The following PADI6 variants were observed in gnomAD, a reference collection of about 807,000 sequenced individuals.
The protein encoded by PADI6 is inactive protein-arginine deiminase type-6.
Under a neutral mutation model 78.2 loss-of-function variants are expected in PADI6, and 66 were observed. The observed-to-expected ratio is 0.84, with a 90% CI of 0.69 to 1.04. The LOEUF is 1.04. Ranked by LOEUF, PADI6 falls within the 50% of genes least tolerant of loss-of-function variation. PADI6 has a pLI of 0.00. For missense variants in PADI6, 854 were observed against 866.1 expected, an observed-to-expected ratio of 0.99 and a Z score of 0.18; for synonymous variants, 397 against 346.9, an observed-to-expected ratio of 1.14 and a Z score of -1.60.
At chr1:17,387,596 CA>C (rs1335007178) in intron 6 of PADI6, among the ~76,000 whole-genome samples, 1 of 151,950 alleles carries the variant, frequency 6.6e-6, no homozygotes, top group Non-Finnish European at 1.5e-5. Context: ...ACTAAAAATA[CA>C]AAAAATTAGC....
intron 4 of PADI6, 76 bp from the exon 5 acceptor site, chr1:17,380,971 C>CA: frequency 7.9e-7 from 1 of 1,269,906 alleles, no homozygotes; most frequent in Admixed American, 2.1e-5. Context: ...CTGGGCCCCT[C>CA]TGCTATGAGG....
At position 17,390,232 on chromosome 1, in the gene PADI6, C is replaced by T. The variant is rs1198605656; in HGVS notation, c.962+1352C>T. Among the ~76,000 whole-genome samples, 3 of 151,994 alleles carry T rather than the reference C, an allele frequency of 2.0e-5. 1 individual carries two copies. The highest frequency in any genetic ancestry group is 2.1e-4 in the South Asian group (1 of 4,822). On this transcript the variant is annotated intron_variant, in intron 8 of 15. Coordinates refer to ENST00000619609, the MANE Select transcript of PADI6 (RefSeq NM_207421.4). ...AGGAGAATCACTTGAACCCAGGAGA[C>T]AGAGGTTGCAGTGAGCTGAAATAGC...
chr1:17,398,520 C>T (rs146919924), intron 14 of PADI6, among the ~76,000 whole-genome samples, 166 bp from the exon 15 acceptor site: 4 of 152,226 alleles, frequency 2.6e-5, no homozygotes, highest in East Asian at 1.9e-4. Flanking sequence ...CTGCCTATTT[C>T]GTAAGGCTGG....
chr1:17,374,373 C>A (rs1290296155), intron 2 of PADI6, among the ~76,000 whole-genome samples: 1 of 152,080 alleles, frequency 6.6e-6, no homozygotes, highest in African/African-American at 2.4e-5. Flanking sequence ...TGCCTGTAAT[C>A]CCAGCACTTT....
intron 14 of PADI6, 99 bp from the exon 15 acceptor site, chr1:17,398,587 G>A (rs2075268956): frequency 4.1e-6 from 3 of 725,124 alleles, no homozygotes; most frequent in Non-Finnish European, 6.9e-6. Context: ...GTGGTGTCAG[G>A]CCATCACCTA....
intron 3 of PADI6, among the ~76,000 whole-genome samples, chr1:17,379,374 A>G (rs1467140200): frequency 6.9e-6 from 1 of 143,920 alleles, no homozygotes; most frequent in African/African-American, 3.0e-5. Flanking sequence ...TCGGCCTCCC[A>G]AAGTGCTGGG....
chr1:17,382,158 C>A lies in PADI6; in HGVS notation c.679+66C>A, dbSNP rs1436622539. ...ACGTGCCAGGCAAGTTGTGCCCACA[C>A]CTCCTCCCAGCAAGGTCCCCAGCAG... On this transcript the variant is annotated intron_variant, in intron 6 of 15. Coordinates refer to ENST00000619609, the MANE Select transcript of PADI6 (RefSeq NM_207421.4). 1.7e-5 allele frequency: 27 copies of A among 1,576,888 alleles called. No individual in the cohort carries two copies. In the Admixed American group the frequency reaches 3.6e-4, roughly 21 times the overall value.
rs35197313 is a variant in PADI6, at chr1:17,395,199, GTTTT to G, written c.1494+104_1494+107del. The G allele has an allele frequency of 5.1e-3, 6,325 of 1,250,214 alleles. 3 individuals carry two copies. Among genetic ancestry groups the G allele is most frequent in the South Asian group, 6.2e-3 (389 of 63,088 alleles). 77.4% of individuals were successfully genotyped at this position (1,250,214 alleles called of 1,614,324 possible). A position where few individuals can be genotyped will look rare whatever the true frequency, so the allele number is the denominator to read the frequency against. On this transcript the variant is annotated intron_variant, in intron 12 of 15. Transcript: ENST00000619609. ...CTGGAGAGAAAACTGGCTTTTTCTTGTTTTTTTTTTTTTTTGTTTGTTTTTTGAG... is the reference window on the plus strand; with the variant it reads ...CTGGAGAGAAAACTGGCTTTTTCTTGTTTTTTTTTTTGTTTGTTTTTTGAG...
intron 8 of PADI6, among the ~76,000 whole-genome samples, chr1:17,389,489 G>C (rs561191939): frequency 6.6e-6 from 1 of 152,120 alleles, no homozygotes; most frequent in African/African-American, 2.4e-5. Flanking sequence ...GTCCAGGCCC[G>C]GGCCCCAGGA....
rs187854898 is a variant in PADI6, at chr1:17,378,160, G to C, written c.368-1760G>C. On this transcript the variant is annotated intron_variant, in intron 3 of 15. Coordinates refer to ENST00000619609, the MANE Select transcript of PADI6 (RefSeq NM_207421.4). ...TTCAAATGTAAACTTGGGCTCCCTTGATCATCTAAAACTGAAATACCCTCG... is the reference window on the plus strand; with the variant it reads ...TTCAAATGTAAACTTGGGCTCCCTTCATCATCTAAAACTGAAATACCCTCG... Among the ~76,000 whole-genome samples the C allele has an allele frequency of 5.3e-5, 8 of 152,184 alleles. No individual in the cohort carries two copies. The East Asian group carries it at 7.7e-4, about 15-fold the overall frequency.
intron 2 of PADI6, 150 bp downstream of exon 2, chr1:17,373,383 T>C: frequency 1.1e-6 from 1 of 933,238 alleles, no homozygotes; most frequent in Non-Finnish European, 1.6e-6. Flanking sequence ...AACAGACCAG[T>C]GGTGTGGGCA....
In PADI6 at chr1:17,394,498, A is replaced by G. The variant is rs369233143; in HGVS notation, c.1337+44A>G. On this transcript the variant is annotated intron_variant, in intron 11 of 15. Transcript: ENST00000619609. ...CGCCTCCAAATGAAAGGAAGGGACC[A>G]TGGTCGTTCCCCTGGCCCCGCCTGC... 1.2e-5 allele frequency: 19 copies of G among 1,588,902 alleles called. No homozygotes were observed. The East Asian group carries it at 2.0e-4, about 17-fold the overall frequency.
intron 13 of PADI6, 87 bp from the exon 14 acceptor site, chr1:17,396,984 G>T: frequency 2.4e-6 from 3 of 1,241,170 alleles, no homozygotes; most frequent in South Asian, 1.3e-5. Flanking sequence ...ATGCACCCAG[G>T]TGGCTGGGCC....
intron 14 of PADI6, 78 bp downstream of exon 14, chr1:17,397,219 C>CT (rs2075255839): frequency 5.3e-6 from 8 of 1,514,780 alleles, no homozygotes; most frequent in Non-Finnish European, 6.4e-6. Flanking sequence ...CCACCCACCC[C>CT]TCCTGAGGGG....
chr1:17,388,428 G>T lies in PADI6; in HGVS notation c.727G>T (p.Ala243Ser), dbSNP rs368705075. 6.2e-6 allele frequency: 10 copies of T among 1,613,734 alleles called. No homozygotes were observed. The highest frequency in any genetic ancestry group is 2.2e-5 in the East Asian group (1 of 44,884). The change falls in exon 7 of 16, where the codon GCC (alanine) becomes TCC (serine). Residue 243 changes from alanine to serine, a missense_variant. By Grantham distance (99) the Ala-to-Ser change is moderately conservative (BLOSUM62 1). Transcript: ENST00000619609. ...FELVLGPDQH[A>S]YTLALLGNHL... is the part of the protein sequence containing the mutation. ...GTTGGTGCTGGGGCCCGACCAGCAC[G>T]CCTATACCTTGGCCCTCCTCGGGAA...
chr1:17,394,491 A>AG (rs2075225692), intron 11 of PADI6, 37 bp downstream of exon 11: 1 of 1,602,516 alleles, frequency 6.2e-7, no homozygotes, highest in Admixed American at 1.7e-5. Flanking sequence ...AATGAAAGGA[A>AG]GGGACCATGG....
rs571178970 is a variant in PADI6, at chr1:17,375,156, C to G, written c.295-271C>G. Among the ~76,000 whole-genome samples the G allele has an allele frequency of 6.3e-3, 953 of 152,262 alleles. 10 individuals carry two copies. Among genetic ancestry groups the G allele is most frequent in the African/African-American group, 0.021 (874 of 41,540 alleles). On this transcript the variant is annotated intron_variant, in intron 2 of 15. Coordinates refer to ENST00000619609, the MANE Select transcript of PADI6 (RefSeq NM_207421.4). ...GGGATAAGTCCCTTGATCACCCCGC[C>G]ATCAGGGATACAGCTCTCACGTGGA...
intron 10 of PADI6, 21 bp downstream of exon 10, chr1:17,394,103 A>G (rs751152775): frequency 1.0e-5 from 16 of 1,605,762 alleles, no homozygotes; most frequent in African/African-American, 1.3e-5. Flanking sequence ...TGGTTTGGCT[A>G]ATCTGAGCTC....
chr1:17,399,071 G>T (rs1291174912), intron 15 of PADI6, among the ~76,000 whole-genome samples: 1 of 152,118 alleles, frequency 6.6e-6, no homozygotes, highest in African/African-American at 2.4e-5. Flanking sequence ...GTTACTATGG[G>T]CCAGGCCCTG....
Sources: allele counts gnomAD v4.1 joint callset (sites outside exome capture counted in the v4.1 genomes callset), GRCh38; gene constraint gnomAD v4.1.1; transcripts MANE v1.5; gene names NCBI Gene and HGNC (gene_info 2026-07-23, HGNC 2026-07-21).